Variants in PCBP3 observed in about 807,000 individuals in gnomAD.
The protein encoded by PCBP3 is poly(rC) binding protein 3, also known as poly(rC)-binding protein 3.
Under a neutral mutation model 52.7 loss-of-function variants are expected in PCBP3, and 25 were observed. That is an observed-to-expected ratio of 0.47 (90% CI 0.35 to 0.66). PCBP3 has a LOEUF of 0.66. Among genes scored for constraint, PCBP3 ranks in the 30% least tolerant of loss-of-function variants. The pLI is 0.01. For missense variants in PCBP3, 391 were observed against 490.3 expected (o/e 0.80, Z 1.91); for synonymous variants, 162 against 183.0 (o/e 0.89, Z 0.93).
Position 45,900,638 on chromosome 21 carries a change from T to A in PCBP3, c.222+15T>A, listed in dbSNP as rs1603481266. ...TGCGTGAGGAGGTGAGTGTGGTGGGTCCCCACCTGTCCGCAGCCATTCCCG... is the reference window on the plus strand; with the variant it reads ...TGCGTGAGGAGGTGAGTGTGGTGGGACCCCACCTGTCCGCAGCCATTCCCG... On this transcript the variant is annotated intron_variant, in intron 8 of 17. Coordinates refer to ENST00000681687, the MANE Select transcript of PCBP3 (RefSeq NM_001384156.1). 1.3e-6 allele frequency: 1 copy of A among 751,308 alleles called. No individual in the cohort carries two copies. The highest frequency in any genetic ancestry group is 2.0e-5 in the Admixed American group (1 of 50,938). The allele number at this position is 751,308 out of a possible 1,614,324, so 46.5% of individuals were successfully genotyped here.
intron 3 of PCBP3, among the ~76,000 whole-genome samples, chr21:45,743,714 T>C (rs1401765125): frequency 6.6e-6 from 1 of 152,202 alleles, no homozygotes; most frequent in Non-Finnish European, 1.5e-5. Flanking sequence ...TTAGGGTTAC[T>C]GTTAGGGTTA....
At chr21:45,846,429 GTT>G (rs35953101) in intron 4 of PCBP3, among the ~76,000 whole-genome samples, 3,410 of 142,484 alleles carry the variant, frequency 0.024, 145 homozygotes, top group African/African-American at 0.081. Context: ...TTTTTTGTTT[GTT>G]TTTTTTTTTT....
At chr21:45,911,742 C>T (rs2096398924) in intron 11 of PCBP3, among the ~76,000 whole-genome samples, 1 of 152,330 alleles carries the variant, frequency 6.6e-6, no homozygotes, top group South Asian at 2.1e-4. Flanking sequence ...GCCTCCAGCC[C>T]CTCCTGCAGC....
chr21:45,652,445 T>TTC (rs1267110490), intron 1 of PCBP3, among the ~76,000 whole-genome samples: 1 of 150,580 alleles, frequency 6.6e-6, no homozygotes, highest in African/African-American at 2.4e-5. Context: ...CTGATGGCTT[T>TTC]TTTTTTTTTT....
At chr21:45,905,702 G>A (rs1335452663) in intron 9 of PCBP3, among the ~76,000 whole-genome samples, 1 of 152,202 alleles carries the variant, frequency 6.6e-6, no homozygotes, top group Non-Finnish European at 1.5e-5. Context: ...ACCCCTCTGT[G>A]TGTGTCAGTT....
intron 5 of PCBP3, among the ~76,000 whole-genome samples, chr21:45,890,785 A>C (rs1223493064): frequency 6.6e-6 from 1 of 151,382 alleles, no homozygotes; most frequent in Non-Finnish European, 1.5e-5. Context: ...AATGTAGATA[A>C]TAGAACCTGG....
rs142324265 is a variant in PCBP3, at chr21:45,933,827, A to G, written c.857-1426A>G. 3.5e-4 allele frequency among the ~76,000 whole-genome samples: 54 copies of G among 152,288 alleles called. 1 individual carries two copies. Among genetic ancestry groups the G allele is most frequent in the Admixed American group, 3.4e-3 (52 of 15,302 alleles). On this transcript the variant is annotated intron_variant, in intron 15 of 17. Transcript: ENST00000681687. ...CACAGTGAGAGGTGGTGCCAGTACC[A>G]TAAGACAAGATGAGAGGTGGCATTG...
At chr21:45,933,244 G>A (rs1425616285) in intron 15 of PCBP3, among the ~76,000 whole-genome samples, 2 of 152,168 alleles carry the variant, frequency 1.3e-5, no homozygotes, top group African/African-American at 4.8e-5. Context: ...ATGCTGTCTT[G>A]AGATGAATGA....
At chr21:45,743,420 T>C (rs2086593274) in intron 3 of PCBP3, among the ~76,000 whole-genome samples, 1 of 152,210 alleles carries the variant, frequency 6.6e-6, no homozygotes, top group Non-Finnish European at 1.5e-5. Context: ...TACGTGTTTT[T>C]TAAAATCAAA....
chr21:45,720,951 G>T (rs1378087608), intron 2 of PCBP3, among the ~76,000 whole-genome samples: 7 of 152,222 alleles, frequency 4.6e-5, no homozygotes, highest in Non-Finnish European at 7.3e-5. Flanking sequence ...AGCTTGGCTG[G>T]GTGTGGGGGC....
chr21:45,897,631 TC>T (rs2095866134), intron 6 of PCBP3, among the ~76,000 whole-genome samples: 1 of 152,144 alleles, frequency 6.6e-6, no homozygotes, highest in Non-Finnish European at 1.5e-5. Context: ...GAGTCCCTGT[TC>T]CTATAGCCCC....
At chr21:45,896,421 A>T (rs752812856) in intron 6 of PCBP3, 59 bp downstream of exon 6, 2 of 1,484,996 alleles carry the variant, frequency 1.3e-6, no homozygotes, top group South Asian at 1.2e-5. Context: ...AGAACCAGAG[A>T]TGCACTGCCC....
intron 4 of PCBP3, among the ~76,000 whole-genome samples, chr21:45,812,006 T>C (rs1865322046): frequency 6.6e-6 from 1 of 152,248 alleles, no homozygotes; most frequent in African/African-American, 2.4e-5. Flanking sequence ...CTTTTAGCTC[T>C]GCTTTGTATT....
chr21:45,928,675 C>T lies in PCBP3; in HGVS notation c.718-1242C>T, dbSNP rs1302500969. On this transcript the variant is annotated intron_variant, in intron 13 of 17. Transcript: ENST00000681687. The surrounding 1 kb of genome is among the most constrained non-coding windows in gnomAD (Gnocchi z 4.1). ...TCACGTGCAGATGGCAGCTCTGCTC[C>T]GAGCGCCCACACCCCCCAGCATTGG... Among the ~76,000 whole-genome samples the T allele has an allele frequency of 5.3e-5, 8 of 152,286 alleles. No individual in the cohort carries two copies. The highest frequency in any genetic ancestry group is 2.1e-4 in the South Asian group (1 of 4,830).
intron 4 of PCBP3, among the ~76,000 whole-genome samples, chr21:45,784,576 TC>T (rs2090951266): frequency 6.6e-6 from 1 of 151,876 alleles, no homozygotes; most frequent in Non-Finnish European, 1.5e-5. Context: ...TTCTCCTGCC[TC>T]AGCCTGCCGA....
rs560444040 is a variant in PCBP3, at chr21:45,805,637, G to A, written c.-125-44324G>A. Among the ~76,000 whole-genome samples the A allele has an allele frequency of 6.6e-6, 1 of 152,274 alleles. No individual in the cohort carries two copies. Among genetic ancestry groups the A allele is most frequent in the South Asian group, 2.1e-4 (1 of 4,830 alleles). ...CTGTCTGCTTTTGTGTCAACAGTTG[G>A]GGCAAGCACATTTTCACAGGGAGAG... On this transcript the variant is annotated intron_variant, in intron 4 of 17. Coordinates refer to ENST00000681687, the MANE Select transcript of PCBP3 (RefSeq NM_001384156.1). This position sits in a 1 kb window ranked among gnomAD's most constrained non-coding sequence, Gnocchi z 4.6.
At chr21:45,681,307 AGGATTACTT>A (rs2081832441) in intron 2 of PCBP3, among the ~76,000 whole-genome samples, 2 of 152,240 alleles carry the variant, frequency 1.3e-5, no homozygotes, top group Non-Finnish European at 1.5e-5. Flanking sequence ...ATTGAGCAAT[AGGATTACTT>A]GATTTTTCTT....
intron 1 of PCBP3, among the ~76,000 whole-genome samples, chr21:45,662,259 C>T (rs1011323639): frequency 5.4e-4 from 79 of 145,018 alleles, no homozygotes; most frequent in African/African-American, 1.8e-3. Context: ...AGGTATGTGC[C>T]AATATACCTA....
chr21:45,880,933 T>A lies in PCBP3; in HGVS notation c.11-15275T>A. 6.6e-6 allele frequency among the ~76,000 whole-genome samples: 1 copy of A among 152,264 alleles called. No individual in the cohort carries two copies. The highest frequency in any genetic ancestry group is 2.4e-5 in the African/African-American group (1 of 41,558). ...CAGCAGTGGGAAGGTACCCAGGGGC[T>A]TCAGCACGGGGTGAGTCCAAGCTTA... is the stretch of plus-strand genomic sequence containing the variant. On this transcript the variant is annotated intron_variant, in intron 5 of 17. Coordinates refer to ENST00000681687, the MANE Select transcript of PCBP3 (RefSeq NM_001384156.1). The surrounding 1 kb of genome is among the most constrained non-coding windows in gnomAD (Gnocchi z 5.4).
Sources: allele counts gnomAD v4.1 joint callset (sites outside exome capture counted in the v4.1 genomes callset), GRCh38; gene constraint gnomAD v4.1.1; non-coding constraint Gnocchi (gnomAD v3.1); transcripts MANE v1.5; gene names NCBI Gene and HGNC (gene_info 2026-07-23, HGNC 2026-07-21).